Variants in CACNA1E observed in about 807,000 individuals in gnomAD.
The protein encoded by CACNA1E is voltage-dependent R-type calcium channel subunit alpha-1E.
CACNA1E carries 40 observed loss-of-function variants against 259.2 expected under a neutral mutation model. The ratio of observed to expected loss-of-function variants is 0.15; its 90% CI spans 0.12 to 0.20. The LOEUF (loss-of-function observed/expected upper bound fraction) is 0.20. CACNA1E is among the 10% of genes least tolerant of loss of function. The pLI, the probability that CACNA1E is intolerant of heterozygous loss-of-function variation, is 1.00. For missense variants in CACNA1E, 1,874 were observed against 3,040.1 expected (o/e 0.62, Z 9.02); for synonymous variants, 1,104 against 1,138.5 (o/e 0.97, Z 0.61).
At chr1:181,654,525 C>T (rs1659029426) in intron 7 of CACNA1E, among the ~76,000 whole-genome samples, 1 of 152,116 alleles carries the variant, frequency 6.6e-6, no homozygotes, top group Non-Finnish European at 1.5e-5. Flanking sequence ...GATGTTCTTT[C>T]CAGCATTATT....
chr1:181,734,775 G>A (rs1655876550), intron 21 of CACNA1E, among the ~76,000 whole-genome samples: 1 of 143,420 alleles, frequency 7.0e-6, no homozygotes. Context: ...CCCCATCCCT[G>A]CCCTGACCCC....
intron 7 of CACNA1E, among the ~76,000 whole-genome samples, chr1:181,685,883 C>T (rs141617153): frequency 2.6e-5 from 4 of 152,106 alleles, no homozygotes; most frequent in African/African-American, 9.7e-5. Flanking sequence ...TTTTTATCTC[C>T]TGCATCCTAG....
At chr1:181,690,379 C>T (rs896924528) in intron 7 of CACNA1E, among the ~76,000 whole-genome samples, 5 of 152,040 alleles carry the variant, frequency 3.3e-5, no homozygotes, top group Admixed American at 6.5e-5. Context: ...GTTACTGTAG[C>T]CTTATAGTAT....
chr1:181,332,650 C>T (rs903205150), intron 1 of CACNA1E, among the ~76,000 whole-genome samples: 11 of 152,168 alleles, frequency 7.2e-5, no homozygotes, highest in Non-Finnish European at 1.0e-4. Flanking sequence ...GTGGGGAGCA[C>T]ATATTGACTT....
In CACNA1E at chr1:181,757,058, C is replaced by G; in HGVS notation, c.4261C>G (p.Leu1421Val). Residue 1421 changes from leucine to valine, a missense_variant, in exon 30 of 48, where the codon CTC becomes GTC. Leu to Val is a conservative substitution (Grantham distance 32, BLOSUM62 1). Around this residue, in one of 14 missense-constraint regions of CACNA1E, gnomAD observed 188 missense variants for 540.6 expected, o/e 0.35. Coordinates refer to ENST00000367573, the MANE Select transcript of CACNA1E (RefSeq NM_001205293.3). ...CTTCTTTGTCAATATCTTTGTGGCT[C>G]TCATCATCATCACCTTCCAGGAGCA... ...PFFFVNIFVALIIITFQEQGD... is the reference protein window; with the variant it reads ...PFFFVNIFVAVIIITFQEQGD... 6.2e-7 allele frequency: 1 copy of G among 1,613,862 alleles called. No homozygotes were observed. Among genetic ancestry groups the G allele is most frequent in the Non-Finnish European group, 8.5e-7 (1 of 1,179,774 alleles).
intron 8 of CACNA1E, among the ~76,000 whole-genome samples, chr1:181,712,576 T>A (rs560493429): frequency 6.6e-6 from 1 of 152,298 alleles, no homozygotes; most frequent in South Asian, 2.1e-4. Context: ...CGATCTGCAC[T>A]CCCTTGTAGC....
intron 3 of CACNA1E, among the ~76,000 whole-genome samples, chr1:181,528,819 G>C (rs1667552441): frequency 6.6e-6 from 1 of 152,202 alleles, no homozygotes; most frequent in Non-Finnish European, 1.5e-5. Flanking sequence ...TTCAAAAGGT[G>C]AGTTGGGTGC....
chr1:181,583,440 T>A (rs1335529333), intron 6 of CACNA1E, among the ~76,000 whole-genome samples: 3 of 152,204 alleles, frequency 2.0e-5, no homozygotes, highest in Non-Finnish European at 4.4e-5. Context: ...TTCTATTCAG[T>A]GGTGCAACGA....
At chr1:181,678,749 C>T (rs1649630198) in intron 7 of CACNA1E, among the ~76,000 whole-genome samples, 1 of 152,200 alleles carries the variant, frequency 6.6e-6, no homozygotes, top group Non-Finnish European at 1.5e-5. Context: ...GGCACATTTT[C>T]TAACCTTTCT....
chr1:181,369,735 A>G (rs1457115096), intron 1 of CACNA1E, among the ~76,000 whole-genome samples: 4 of 152,010 alleles, frequency 2.6e-5, no homozygotes, highest in Non-Finnish European at 4.4e-5. Context: ...AAACTCAAAC[A>G]CCATTTGATT....
intron 1 of CACNA1E, among the ~76,000 whole-genome samples, chr1:181,370,820 T>G (rs928122452): frequency 3.0e-4 from 45 of 152,218 alleles, no homozygotes; most frequent in Non-Finnish European, 5.3e-4. Context: ...GTCAAATAAT[T>G]CTGCTCTAAG....
At chr1:181,369,241 T>G (rs747120303) in intron 1 of CACNA1E, among the ~76,000 whole-genome samples, 2 of 152,236 alleles carry the variant, frequency 1.3e-5, no homozygotes, top group Non-Finnish European at 2.9e-5. Context: ...GAAGCCTTGC[T>G]TTGTACAAAA....
chr1:181,645,595 A>C (rs1658194050), intron 6 of CACNA1E, among the ~76,000 whole-genome samples: 1 of 152,070 alleles, frequency 6.6e-6, no homozygotes, highest in African/African-American at 2.4e-5. Flanking sequence ...TTCCCTGAAA[A>C]CTTCAGCACA....
chr1:181,670,945 A>G (rs926809551), intron 7 of CACNA1E, among the ~76,000 whole-genome samples: 1 of 152,242 alleles, frequency 6.6e-6, no homozygotes, highest in Non-Finnish European at 1.5e-5. Flanking sequence ...GAAGGTACAG[A>G]CTAATTTTTT....
chr1:181,569,083 A>G (rs541145316), intron 3 of CACNA1E, among the ~76,000 whole-genome samples: 1 of 152,218 alleles, frequency 6.6e-6, no homozygotes, highest in African/African-American at 2.4e-5. Flanking sequence ...CTCCAGCTTC[A>G]CTTTTTAGCT....
chr1:181,577,655 G>A (rs998811927), intron 3 of CACNA1E, 111 bp from the exon 4 acceptor site: 21 of 634,460 alleles, frequency 3.3e-5, no homozygotes, highest in East Asian at 2.1e-4. Flanking sequence ...TACAGCTGGC[G>A]TCAGCGCTGT....
intron 6 of CACNA1E, among the ~76,000 whole-genome samples, chr1:181,598,045 A>G (rs924544588): frequency 6.6e-6 from 1 of 152,230 alleles, no homozygotes; most frequent in Non-Finnish European, 1.5e-5. Flanking sequence ...TCCCAAGGTC[A>G]TACAGCTGTT....
chr1:181,350,012 G>A (rs1038515515), intron 1 of CACNA1E, among the ~76,000 whole-genome samples: 1 of 152,104 alleles, frequency 6.6e-6, no homozygotes, highest in African/African-American at 2.4e-5. Flanking sequence ...TGCTGTCCCT[G>A]AGTGTGGAGA....
intron 2 of CACNA1E, among the ~76,000 whole-genome samples, chr1:181,424,174 C>A (rs760838985): frequency 6.6e-5 from 10 of 152,230 alleles, no homozygotes; most frequent in Non-Finnish European, 1.0e-4. Context: ...GTTTGAAAAC[C>A]ACCAGCCAAG....
Sources: gnomAD v4.1 joint callset for allele counts (sites outside exome capture counted in the v4.1 genomes callset) on GRCh38, gnomAD v4.1.1 for gene constraint, gnomAD v4.1.1 regional missense constraint, MANE v1.5 for transcripts, NCBI Gene and HGNC (gene_info 2026-07-23, HGNC 2026-07-21) for gene names.